The following FREM3 variants were observed in gnomAD, a reference collection of about 807,000 sequenced individuals.
The protein encoded by FREM3 is FRAS1 related extracellular matrix 3.
Under a neutral mutation model 129.1 loss-of-function variants are expected in FREM3, and 105 were observed. The ratio of observed to expected loss-of-function variants is 0.81; its 90% CI spans 0.69 to 0.96. FREM3 has a LOEUF of 0.96. FREM3 is among the 40% of genes least tolerant of loss of function. The probability of loss-of-function intolerance (pLI) is 0.00; values close to 1 mark genes in which losing one functional copy is unlikely to be tolerated. For synonymous variants in FREM3, 1,014 were observed against 1,044.9 expected (o/e 0.97, Z 0.57); for missense variants, 2,593 against 2,666.3 (o/e 0.97, Z 0.61).
intron 6 of FREM3, among the ~76,000 whole-genome samples, chr4:143,596,803 G>A (rs1199532055): frequency 1.3e-5 from 2 of 151,960 alleles, no homozygotes; most frequent in East Asian, 3.9e-4. Flanking sequence ...GCTGGGTGTG[G>A]TGCATATGCC....
chr4:143,611,219 T>C, intron 6 of FREM3, 60 bp downstream of exon 6: 1 of 1,488,154 alleles, frequency 6.7e-7, no homozygotes, highest in Middle Eastern at 2.2e-4. Flanking sequence ...TTTCAACTGT[T>C]GGAGGAAAGT....
chr4:143,599,463 T>C (rs1483904517), intron 6 of FREM3, among the ~76,000 whole-genome samples: 1 of 152,168 alleles, frequency 6.6e-6, no homozygotes, highest in Non-Finnish European at 1.5e-5. Flanking sequence ...TAGATGACCT[T>C]TGAGGTTCCT....
At chr4:143,592,625 G>T (rs561157099) in intron 6 of FREM3, among the ~76,000 whole-genome samples, 2 of 152,228 alleles carry the variant, frequency 1.3e-5, no homozygotes, top group African/African-American at 4.8e-5. Flanking sequence ...TAGTCTGATG[G>T]GCTTCCCTTT....
chr4:143,695,366 C>T, intron 1 of FREM3, 125 bp downstream of exon 1: 1 of 813,214 alleles, frequency 1.2e-6, no homozygotes, highest in Non-Finnish European at 1.8e-6. Context: ...TCACGCTTCA[C>T]TGTATTTTAT....
chr4:143,634,165 A>G (rs1553067), intron 2 of FREM3, among the ~76,000 whole-genome samples: 27,302 of 152,044 alleles, frequency 0.18, 3,284 homozygotes, highest in African/African-American at 0.34. Flanking sequence ...GATGATAAGA[A>G]GCCCAAGTAC....
At chr4:143,687,365 A>G (rs1268353028) in intron 2 of FREM3, among the ~76,000 whole-genome samples, 1 of 152,150 alleles carries the variant, frequency 6.6e-6, no homozygotes, top group Non-Finnish European at 1.5e-5. Context: ...AATTACCACC[A>G]TCACCACTGA....
At chr4:143,661,921 G>A (rs1283357609) in intron 2 of FREM3, among the ~76,000 whole-genome samples, 3 of 151,908 alleles carry the variant, frequency 2.0e-5, no homozygotes, top group Non-Finnish European at 2.9e-5. Context: ...TATTTCTGTG[G>A]GATCAGTGGT....
chr4:143,586,976 A>G (rs1227794880), intron 6 of FREM3, among the ~76,000 whole-genome samples: 3 of 152,198 alleles, frequency 2.0e-5, no homozygotes, highest in Non-Finnish European at 4.4e-5. Context: ...ATTGCAATGC[A>G]CCAGGAGTGT....
At chr4:143,598,965 C>G (rs1195546674) in intron 6 of FREM3, among the ~76,000 whole-genome samples, 2 of 152,160 alleles carry the variant, frequency 1.3e-5, no homozygotes, top group Non-Finnish European at 2.9e-5. Context: ...TTTCTCAGAA[C>G]ATATTGCTCT....
intron 7 of FREM3, among the ~76,000 whole-genome samples, chr4:143,582,974 G>A (rs1404332026): frequency 6.7e-6 from 1 of 150,032 alleles, no homozygotes; most frequent in African/African-American, 2.5e-5. Flanking sequence ...TCAACCTCCT[G>A]GGCTCAGGTG....
chr4:143,617,157 T>C (rs1338807058), intron 5 of FREM3, among the ~76,000 whole-genome samples: 1 of 145,882 alleles, frequency 6.9e-6, no homozygotes, highest in Admixed American at 6.6e-5. Flanking sequence ...ATGTCTAATT[T>C]CCAAGTCTTT....
Position 143,601,071 on chromosome 4 carries a change from C to T in FREM3, c.6028+10208G>A, listed in dbSNP as rs538792136. ...AATTAAAATTGTGATACTTTTAAAGCTTACAGCACTTGTTTTATAATATGA... is the reference window on the plus strand; with the variant it reads ...AATTAAAATTGTGATACTTTTAAAGTTTACAGCACTTGTTTTATAATATGA... On this transcript the variant is annotated intron_variant, in intron 6 of 7. Transcript: ENST00000329798. 1.3e-3 allele frequency among the ~76,000 whole-genome samples: 190 copies of T among 149,708 alleles called. 1 individual carries two copies. Among genetic ancestry groups the T allele is most frequent in the Admixed American group, 2.2e-3 (33 of 15,138 alleles).
At chr4:143,598,918 A>G (rs1339264608) in intron 6 of FREM3, among the ~76,000 whole-genome samples, 3 of 152,132 alleles carry the variant, frequency 2.0e-5, no homozygotes, top group African/African-American at 7.2e-5. Context: ...ATACTCTATG[A>G]TATTTGTACA....
chr4:143,629,667 C>T (rs972102230), intron 2 of FREM3, among the ~76,000 whole-genome samples: 1 of 152,052 alleles, frequency 6.6e-6, no homozygotes, highest in African/African-American at 2.4e-5. Flanking sequence ...TTTATATTTA[C>T]TTTTTTTGTG....
intron 6 of FREM3, among the ~76,000 whole-genome samples, chr4:143,607,914 T>C (rs113510467): frequency 6.6e-6 from 1 of 152,230 alleles, no homozygotes; most frequent in African/African-American, 2.4e-5. Flanking sequence ...CAGGAGGAAA[T>C]CCATCTCCTT....
At chr4:143,663,989 A>T in intron 2 of FREM3, among the ~76,000 whole-genome samples, 1 of 151,952 alleles carries the variant, frequency 6.6e-6, no homozygotes, top group East Asian at 1.9e-4. Context: ...CATTCATCTA[A>T]ATGTTTTTCA....
At position 143,652,281 on chromosome 4, in the gene FREM3, G is replaced by A. The variant is rs1313412488; in HGVS notation, c.5276-24521C>T. Among the ~76,000 whole-genome samples the A allele has an allele frequency of 2.8e-4, 26 of 91,590 alleles. 10 individuals are homozygous for A. In the East Asian group the frequency reaches 0.014, roughly 49 times the overall value. The allele number at this position is 91,590 out of a possible 152,430, so 60.1% of individuals were successfully genotyped here. A position where few individuals can be genotyped will look rare whatever the true frequency, so the allele number is the denominator to read the frequency against. On this transcript the variant is annotated intron_variant, in intron 2 of 7. Transcript: ENST00000329798. The stretch of plus-strand genomic sequence containing the variant: ...GGGTTCACGCCATTCTCCTGCCTCA[G>A]CCTCCCCAGTAGCTGGGACTACAGG...
chr4:143,664,848 T>C (rs1046615481), intron 2 of FREM3, among the ~76,000 whole-genome samples: 2 of 152,102 alleles, frequency 1.3e-5, no homozygotes, highest in Non-Finnish European at 2.9e-5. Context: ...CAGACTGCCG[T>C]GCTAGCAATC....
intron 2 of FREM3, among the ~76,000 whole-genome samples, chr4:143,677,843 T>C (rs1157615445): frequency 6.6e-6 from 1 of 152,158 alleles, no homozygotes; most frequent in Non-Finnish European, 1.5e-5. Context: ...CAGTGAGATA[T>C]GATCTCACAG....
Sources: allele counts gnomAD v4.1 joint callset (sites outside exome capture counted in the v4.1 genomes callset), GRCh38; gene constraint gnomAD v4.1.1; transcripts MANE v1.5; gene names NCBI Gene and HGNC (gene_info 2026-07-23, HGNC 2026-07-21).